Variants in SPTBN4 observed in about 807,000 individuals in gnomAD.
SPTBN4 encodes the protein spectrin beta chain, non-erythrocytic 4.
A neutral mutation model predicts 277.8 loss-of-function variants in SPTBN4; 96 were observed. The ratio of observed to expected loss-of-function variants is 0.35; its 90% CI spans 0.29 to 0.41. SPTBN4 has a LOEUF of 0.41. SPTBN4 is among the 10% of genes least tolerant of loss of function. The probability of loss-of-function intolerance (pLI) is 1.00; values close to 1 mark genes in which losing one functional copy is unlikely to be tolerated. For missense variants in SPTBN4, 3,006 were observed against 3,595.7 expected (o/e 0.84, Z 4.19); for synonymous variants, 1,481 against 1,580.3 (o/e 0.94, Z 1.49).
At position 40,568,193 on chromosome 19, in the gene SPTBN4, G is replaced by A. The variant is rs2081116148; in HGVS notation, c.6867G>A (p.Met2289Ile). ...TTACCCTGGGCCGCTATGAGCAGAT[G>A]GAGCGGCGGCGCGAGCGGCGTGAGC... ...HSLTLGRYEQ[M>I]ERRRERRERR... is the part of the protein sequence containing the mutation. Residue 2289 changes from methionine to isoleucine, a missense_variant, in exon 31 of 36, where the codon ATG (methionine) becomes ATA (isoleucine). Met to Ile is a conservative substitution (Grantham distance 10). Transcript: ENST00000598249. The A allele has an allele frequency of 3.1e-6, 5 of 1,596,038 alleles. No homozygotes were observed. The highest frequency in any genetic ancestry group is 4.3e-6 in the Non-Finnish European group (5 of 1,171,792).
intron 31 of SPTBN4, among the ~76,000 whole-genome samples, chr19:40,569,426 C>CAAA (rs58192016): frequency 9.1e-5 from 11 of 120,738 alleles, no homozygotes; most frequent in East Asian, 3.2e-4. Flanking sequence ...GACTCCGTCT[C>CAAA]AAAAAAAAAA....
At chr19:40,575,014 CAAA>C (rs11458145) in intron 35 of SPTBN4, among the ~76,000 whole-genome samples, 2 of 90,074 alleles carry the variant, frequency 2.2e-5, no homozygotes, top group Non-Finnish European at 2.2e-5. Context: ...GACTCTGTCT[CAAA>C]AAAAAAAAAA....
At chr19:40,474,121 C>T in intron 2 of SPTBN4, among the ~76,000 whole-genome samples, 1 of 138,916 alleles carries the variant, frequency 7.2e-6, no homozygotes, top group Middle Eastern at 3.7e-3. Flanking sequence ...CACTGCACTC[C>T]AGCCCCAGCA....
chr19:40,498,417 A>T lies in SPTBN4; in HGVS notation c.784+813A>T, dbSNP rs189802394. On this transcript the variant is annotated intron_variant, in intron 7 of 35. Transcript: ENST00000598249. The stretch of plus-strand genomic sequence containing the variant: ...TATTTATTTATTTATTTATTTATTT[A>T]TTTTTTTAGATGGAGTCTCACTCTG... Among the ~76,000 whole-genome samples, 596 of 145,918 alleles carry T rather than the reference A, an allele frequency of 4.1e-3. 2 individuals are homozygous for T. Among genetic ancestry groups the T allele is most frequent in the African/African-American group, 0.014 (528 of 39,074 alleles).
At chr19:40,563,691 G>C (rs1321865562) in intron 27 of SPTBN4, among the ~76,000 whole-genome samples, 1 of 150,434 alleles carries the variant, frequency 6.6e-6, no homozygotes, top group African/African-American at 2.4e-5. Context: ...TCCAGCCTAG[G>C]TGACAGAAGG....
chr19:40,531,639 TG>T (rs1049062129), intron 18 of SPTBN4, among the ~76,000 whole-genome samples: 13 of 149,740 alleles, frequency 8.7e-5, no homozygotes, highest in Admixed American at 6.7e-4. Flanking sequence ...TGGAGGGGGT[TG>T]GGGGAGGCTC....
At position 40,554,079 on chromosome 19, in the gene SPTBN4, A is replaced by C. The variant is rs2080947396; in HGVS notation, c.4675-68A>C. The C allele has an allele frequency of 7.4e-7, 1 of 1,359,982 alleles. No individual in the cohort carries two copies. The highest frequency in any genetic ancestry group is 1.7e-5 in the South Asian group (1 of 59,456). The allele number at this position is 1,359,982 out of a possible 1,614,324, so 84.2% of individuals were successfully genotyped here. ...CCGTGGGCCGTGCCAGTAGCAGAGGAGCGTGTGGTCTTGCAGGGCCTCGGA... is the reference window on the plus strand; with the variant it reads ...CCGTGGGCCGTGCCAGTAGCAGAGGCGCGTGTGGTCTTGCAGGGCCTCGGA... On this transcript the variant is annotated intron_variant, in intron 22 of 35. Coordinates refer to ENST00000598249, the MANE Select transcript of SPTBN4 (RefSeq NM_020971.3). This position sits in a 1 kb window ranked among gnomAD's most constrained non-coding sequence, Gnocchi z 5.7.
chr19:40,501,309 G>C (rs999407741), intron 7 of SPTBN4, among the ~76,000 whole-genome samples: 1 of 152,062 alleles, frequency 6.6e-6, no homozygotes, highest in Non-Finnish European at 1.5e-5. Context: ...AAGAGGAACA[G>C]TGCTCCAGAC....
Position 40,490,318 on chromosome 19 carries a change from C to A in SPTBN4, c.495+70C>A. ...AGGAAAGCGTTCCCCACCATTTACC[C>A]ATTCATTCTTTCCTTCCAATAATAT... is the stretch of plus-strand genomic sequence containing the variant. On this transcript the variant is annotated intron_variant, in intron 4 of 35. Transcript: ENST00000598249. This position sits in a 1 kb window ranked among gnomAD's most constrained non-coding sequence, Gnocchi z 4.3. 2 of 1,515,534 alleles carry A rather than the reference C, an allele frequency of 1.3e-6. No homozygotes were observed. Among genetic ancestry groups the A allele is most frequent in the South Asian group, 2.5e-5 (2 of 78,792 alleles). The allele number at this position is 1,515,534 out of a possible 1,614,324, so 93.9% of individuals were successfully genotyped here. A position where few individuals can be genotyped will look rare whatever the true frequency, so the allele number is the denominator to read the frequency against.
chr19:40,521,069 C>T (rs564731654), intron 16 of SPTBN4, among the ~76,000 whole-genome samples: 7 of 152,114 alleles, frequency 4.6e-5, no homozygotes, highest in Non-Finnish European at 7.4e-5. Context: ...GGACTACAGG[C>T]GCGAGCCACC....
intron 2 of SPTBN4, among the ~76,000 whole-genome samples, chr19:40,474,151 CAAAAAAAAAA>C (rs71173641): frequency 2.0e-4 from 7 of 34,474 alleles, no homozygotes; most frequent in African/African-American, 2.6e-4. Flanking sequence ...GAACCTATCT[CAAAAAAAAAA>C]AAAAAAAAAA....
chr19:40,519,940 G>T lies in SPTBN4; in HGVS notation c.3443G>T (p.Arg1148Leu), dbSNP rs777819831. Reference sequence around the variant, plus strand: ...GACCAGCGCGAGGAAGACTATGCTCGCATCGTGGCGGCCAGCGAGGCGCTG... The same window carrying T: ...GACCAGCGCGAGGAAGACTATGCTCTCATCGTGGCGGCCAGCGAGGCGCTG... ...EVDQREEDYA[R>L]IVAASEALLA... Residue 1148 changes from arginine (R) to leucine (L), a missense_variant, in exon 16 of 36, where the codon CGC (arginine) becomes CTC (leucine). Physicochemically the swap from Arg to Leu is moderately radical, Grantham distance 102 (BLOSUM62 -2). Around this residue, in one of 5 missense-constraint regions of SPTBN4, gnomAD observed 1,759 missense variants for 2,061.5 expected, o/e 0.85. Coordinates refer to ENST00000598249, the MANE Select transcript of SPTBN4 (RefSeq NM_020971.3). The surrounding 1 kb of genome is among the most constrained non-coding windows in gnomAD (Gnocchi z 5.7). 6.5e-7 allele frequency: 1 copy of T among 1,547,996 alleles called. No homozygotes were observed.
At position 40,556,288 on chromosome 19, in the gene SPTBN4, G is replaced by C; in HGVS notation, c.5289G>C (p.Ser1763=). 6.2e-7 allele frequency: 1 copy of C among 1,610,476 alleles called. No homozygotes were observed. Among genetic ancestry groups the C allele is most frequent in the Non-Finnish European group, 8.5e-7 (1 of 1,178,208 alleles). The stretch of plus-strand genomic sequence containing the variant: ...TCGGCCAGGACTTTGAGCATGTCTC[G>C]GTGAGCATCATTAGTAATAAGTGAT... ...PELGQDFEHV[S]VLQEKFSEFA... The change falls in exon 25 of 36, where the codon TCG becomes TCC. Residue 1763 remains serine, a splice_region_variant and synonymous_variant. Coordinates refer to ENST00000598249, the MANE Select transcript of SPTBN4 (RefSeq NM_020971.3).
In SPTBN4 at chr19:40,529,060, C is replaced by T. The variant is rs1322897039; in HGVS notation, c.3877C>T (p.Arg1293Trp). 1.9e-6 allele frequency: 3 copies of T among 1,613,948 alleles called. No homozygotes were observed. The highest frequency in any genetic ancestry group is 8.5e-7 in the Non-Finnish European group (1 of 1,179,966). Residue 1293 changes from arginine (R) to tryptophan (W), a missense_variant, in exon 18 of 36, where the codon CGG (arginine) becomes TGG (tryptophan). Physicochemically the swap from Arg to Trp is moderately radical, Grantham distance 101 (BLOSUM62 -3). This residue lies in a region of SPTBN4 where 1,759 missense variants were observed against 2,061.5 expected (regional missense o/e 0.85). Coordinates refer to ENST00000598249, the MANE Select transcript of SPTBN4 (RefSeq NM_020971.3). ...LLEKNQENQL[R>W]AQQWMQKLHD... is the part of the protein sequence containing the mutation. ...CCCCAGGAACCAAGAAAACCAGTTA[C>T]GGGCCCAGCAATGGATGCAAAAGCT...
rs913421526 is a variant in SPTBN4 at position 40,567,738 on chromosome 19, A to G, written c.6412A>G (p.Thr2138Ala). The change falls in exon 31 of 36, where the codon ACG becomes GCG. Residue 2138 changes from threonine to alanine, a missense_variant. Coordinates refer to ENST00000598249, the MANE Select transcript of SPTBN4 (RefSeq NM_020971.3). ...LLGRKFFGDP[T>A]ELAAKAAPLL... ...GGGGCGCAAGTTCTTTGGGGACCCC[A>G]CGGAACTGGCGGCCAAGGCGGCGCC... 1 of 1,556,938 alleles carries G rather than the reference A, an allele frequency of 6.4e-7. No homozygotes were observed. Among genetic ancestry groups the G allele is most frequent in the Non-Finnish European group, 8.7e-7 (1 of 1,152,538 alleles).
At chr19:40,544,440 CTTTTTTTTTT>C (rs3071333) in intron 20 of SPTBN4, among the ~76,000 whole-genome samples, 1 of 51,746 alleles carries the variant, frequency 1.9e-5, no homozygotes, top group South Asian at 7.4e-4. Flanking sequence ...TTGTGCCCGG[CTTTTTTTTTT>C]TTTTTTTTTT....
At chr19:40,568,386 A>AT in intron 31 of SPTBN4, 104 bp downstream of exon 31, 1 of 1,412,668 alleles carries the variant, frequency 7.1e-7, no homozygotes. Flanking sequence ...AGAACTTCCC[A>AT]AAGAAGGAGA....
intron 4 of SPTBN4, 86 bp from the exon 5 acceptor site, chr19:40,492,877 C>T: frequency 8.2e-7 from 1 of 1,221,026 alleles, no homozygotes; most frequent in Non-Finnish European, 1.2e-6. Flanking sequence ...TCACCTGCCA[C>T]CTTCTCTGGT....
At chr19:40,563,232 T>A (rs1408186422) in intron 27 of SPTBN4, among the ~76,000 whole-genome samples, 3 of 151,512 alleles carry the variant, frequency 2.0e-5, no homozygotes. Context: ...TTTTTTTTTT[T>A]AATTAGCTGG....
Sources: gnomAD v4.1 joint callset for allele counts (sites outside exome capture counted in the v4.1 genomes callset) on GRCh38, gnomAD v4.1.1 for gene constraint, gnomAD v4.1.1 regional missense constraint, Gnocchi (gnomAD v3.1) non-coding constraint, MANE v1.5 for transcripts, NCBI Gene and HGNC (gene_info 2026-07-23, HGNC 2026-07-21) for gene names.